CCDC66: variants seen among roughly 807,000 people sequenced by gnomAD.
The protein encoded by CCDC66 is coiled-coil domain-containing protein 66.
Under a neutral mutation model 128.3 loss-of-function variants are expected in CCDC66, and 133 were observed. The observed-to-expected ratio is 1.04, with a 90% confidence interval of 0.90 to 1.20. The LOEUF is 1.20. Among genes scored for constraint, CCDC66 ranks in the 50% most tolerant of loss-of-function variants. The pLI is 0.00. For synonymous variants in CCDC66, 387 were observed against 357.0 expected, an observed-to-expected ratio of 1.08 and a Z score of -0.95; for missense variants, 1,126 against 1,075.5, an observed-to-expected ratio of 1.05 and a Z score of -0.66.
In CCDC66 at chr3:56,563,837, G is replaced by A. The variant is rs757581994; in HGVS notation, c.256G>A (p.Gly86Arg). ...ETSQAKGEKN[G>R]MTFSSTKDLC... ...ATCACAGGCAAAAGGTGAAAAAAAT[G>A]GAATGACTTTTTCATCCACTAAGGA... The change falls in exon 4 of 18, where the codon GGA becomes AGA. Residue 86 changes from glycine to arginine, a missense_variant. Physicochemically the swap from Gly to Arg is moderately radical, Grantham distance 125. Coordinates refer to ENST00000394672, the MANE Select transcript of CCDC66 (RefSeq NM_001141947.3). The A allele has an allele frequency of 1.3e-6, 2 of 1,568,608 alleles. No homozygotes were observed. The highest frequency in any genetic ancestry group is 4.8e-5 in the East Asian group (2 of 42,068).
Position 56,557,259 on chromosome 3 carries a change from C to G in CCDC66, c.11+6C>G, listed in dbSNP as rs764009711. The G allele has an allele frequency of 3.2e-5, 49 of 1,549,232 alleles. No individual in the cohort carries two copies. The African/African-American group carries it at 6.5e-4, about 20-fold the overall frequency. ...GGTCAGGCCATGAACTTGGGGTAAG[C>G]AGGGGTAAGCTGGGGTAAGCTGGGG... On this transcript the variant is annotated splice_donor_region_variant and intron_variant, in intron 1 of 17. Transcript: ENST00000394672.
intron 3 of CCDC66, among the ~76,000 whole-genome samples, chr3:56,561,860 G>C (rs2065141535): frequency 6.6e-6 from 1 of 151,984 alleles, no homozygotes; most frequent in Non-Finnish European, 1.5e-5. Flanking sequence ...GTAAGCTCCT[G>C]AGTTACTACA....
At position 56,581,955 on chromosome 3, in the gene CCDC66, C is replaced by T. The variant is rs190132473; in HGVS notation, c.936+10653C>T. On this transcript the variant is annotated intron_variant, in intron 7 of 17. Transcript: ENST00000394672. The stretch of plus-strand genomic sequence containing the variant: ...TCTCTTCAAAGCTGTCAGACAGGGA[C>T]GTTTAAATCTGCAGAAGTTTCTGCT... Among the ~76,000 whole-genome samples the T allele has an allele frequency of 1.2e-4, 18 of 151,958 alleles. 2 individuals carry two copies. The East Asian group carries it at 2.0e-3, about 17-fold the overall frequency.
intron 7 of CCDC66, among the ~76,000 whole-genome samples, chr3:56,590,936 C>T (rs1447064486): frequency 6.6e-6 from 1 of 152,098 alleles, no homozygotes; most frequent in African/African-American, 2.4e-5. Context: ...AGAAGAAGGT[C>T]AAAACAATTG....
At chr3:56,565,730 G>A (rs111827080) in intron 4 of CCDC66, among the ~76,000 whole-genome samples, 51,102 of 151,182 alleles carry the variant, frequency 0.34, 10,446 homozygotes, top group Non-Finnish European at 0.48. Context: ...GCAGTGGTGC[G>A]ATCTCGGCTC....
chr3:56,615,875 T>G (rs2075428961), intron 12 of CCDC66, 47 bp from the exon 13 acceptor site: 1 of 1,497,044 alleles, frequency 6.7e-7, no homozygotes. Flanking sequence ...ATAATTTTTA[T>G]TAATATTCCT....
At chr3:56,618,996 T>G (rs777138351) in intron 15 of CCDC66, 4 of 281,322 alleles carry the variant, frequency 1.4e-5, no homozygotes, top group Non-Finnish European at 2.0e-5. Flanking sequence ...GGCAGGTGGA[T>G]CCACCTGAGG....
intron 10 of CCDC66, among the ~76,000 whole-genome samples, chr3:56,610,849 C>G (rs979597754): frequency 6.6e-6 from 1 of 152,158 alleles, no homozygotes; most frequent in Non-Finnish European, 1.5e-5. Context: ...CTTCTGGGTC[C>G]AGCCACCCAG....
At chr3:56,575,538 C>G (rs2067240367) in intron 7 of CCDC66, among the ~76,000 whole-genome samples, 1 of 151,754 alleles carries the variant, frequency 6.6e-6, no homozygotes, top group Non-Finnish European at 1.5e-5. Context: ...CTGTGAGCTA[C>G]TTTTTCACTC....
chr3:56,573,578 G>A (rs1271923908), intron 7 of CCDC66, among the ~76,000 whole-genome samples: 1 of 152,204 alleles, frequency 6.6e-6, no homozygotes, highest in Non-Finnish European at 1.5e-5. Flanking sequence ...AAATGTCAGC[G>A]TTAGCATGAT....
At chr3:56,558,408 C>T (rs1261152775) in intron 1 of CCDC66, among the ~76,000 whole-genome samples, 1 of 152,142 alleles carries the variant, frequency 6.6e-6, no homozygotes, top group East Asian at 1.9e-4. Flanking sequence ...AGTTACTAAC[C>T]TTGATGGCAT....
chr3:56,600,736 G>T (rs1447811296), intron 10 of CCDC66, among the ~76,000 whole-genome samples: 1 of 152,080 alleles, frequency 6.6e-6, no homozygotes, highest in Non-Finnish European at 1.5e-5. Context: ...GACCAGTGAT[G>T]ATGAGCTTTT....
chr3:56,605,778 C>T (rs2073978951), intron 10 of CCDC66, among the ~76,000 whole-genome samples: 1 of 152,002 alleles, frequency 6.6e-6, no homozygotes, highest in African/African-American at 2.4e-5. Flanking sequence ...GCAGTCTGAC[C>T]CTTAGTAGAG....
rs1168710862 is a variant in CCDC66, at chr3:56,584,902, C to T, written c.937-8068C>T. On this transcript the variant is annotated intron_variant, in intron 7 of 17. Transcript: ENST00000394672. ...GTTAGGAGCTGCAGACCAGCCCGGC[C>T]AGCATAGCGAAACCCCGTCTCCACC... Among the ~76,000 whole-genome samples the T allele has an allele frequency of 2.0e-5, 3 of 151,916 alleles. No individual in the cohort carries two copies. The South Asian group carries it at 6.2e-4, about 31-fold the overall frequency.
intron 10 of CCDC66, among the ~76,000 whole-genome samples, chr3:56,601,149 A>G (rs544720295): frequency 1.3e-5 from 2 of 152,156 alleles, no homozygotes; most frequent in Admixed American, 1.3e-4. Context: ...TAATTTTTGT[A>G]TAAGGTGTAA....
intron 3 of CCDC66, 97 bp from the exon 4 acceptor site, chr3:56,563,587 A>G (rs2107746989): frequency 1.0e-6 from 1 of 985,980 alleles, no homozygotes; most frequent in Non-Finnish European, 1.5e-6. Flanking sequence ...GCAAAATGGA[A>G]AAAAGTTTAG....
chr3:56,568,091 A>T (rs2066131769), intron 6 of CCDC66, among the ~76,000 whole-genome samples: 1 of 152,142 alleles, frequency 6.6e-6, no homozygotes, highest in Admixed American at 6.5e-5. Flanking sequence ...AGACTCGGTT[A>T]ATTTATCCTA....
rs1445516554 is a variant in CCDC66, at chr3:56,563,878, TATAG to T, written c.301_304del (p.Asp101LysfsTer24). On this transcript the variant is annotated frameshift_variant, in exon 4 of 18. Transcript: ENST00000394672. LOFTEE classifies it high-confidence loss of function. ...CCACTAAGGATTTATGTAAACAATG[TATAG>T]ATAAAGACTGTCTTCATATCCAGAA... 9 of 1,607,020 alleles carry T rather than the reference TATAG, an allele frequency of 5.6e-6. No homozygotes were observed. Among genetic ancestry groups the T allele is most frequent in the Admixed American group, 1.7e-5 (1 of 59,234 alleles).
chr3:56,617,127 G>T lies in CCDC66; in HGVS notation c.1859G>T (p.Gly620Val). The change falls in exon 14 of 18, where the codon GGA becomes GTA. Residue 620 changes from glycine (G) to valine (V), a missense_variant. By Grantham distance (109) the Gly-to-Val change is moderately radical. Coordinates refer to ENST00000394672, the MANE Select transcript of CCDC66 (RefSeq NM_001141947.3). The part of the protein sequence containing the change: ...TGVQTDDLNI[G>V]IFTNAESHCG... ...TTTTTTTTAGATGACTTAAATATAG[G>T]AATATTCACCAATGCAGAATCACAT... The T allele has an allele frequency of 6.6e-7, 1 of 1,514,750 alleles. No homozygotes were observed. The highest frequency in any genetic ancestry group is 8.9e-7 in the Non-Finnish European group (1 of 1,129,868). 93.8% of individuals were successfully genotyped at this position (1,514,750 alleles called of 1,614,324 possible). A position where few individuals can be genotyped will look rare whatever the true frequency, so the allele number is the denominator to read the frequency against.
Sources: allele counts gnomAD v4.1 joint callset (sites outside exome capture counted in the v4.1 genomes callset), GRCh38; gene constraint gnomAD v4.1.1; transcripts MANE v1.5; gene names NCBI Gene and HGNC (gene_info 2026-07-23, HGNC 2026-07-21).